Variants in PTPN11 observed in about 807,000 individuals in gnomAD.
PTPN11 encodes the protein tyrosine-protein phosphatase non-receptor type 11.
Under a neutral mutation model 78.8 loss-of-function variants are expected in PTPN11, and 6 were observed. The ratio of observed to expected loss-of-function variants is 0.08; its 90% CI spans 0.04 to 0.15. The LOEUF (loss-of-function observed/expected upper bound fraction) is 0.15. Among genes scored for constraint, PTPN11 ranks in the 10% least tolerant of loss-of-function variants. The pLI, the probability that PTPN11 is intolerant of heterozygous loss-of-function variation, is 1.00. For missense variants in PTPN11, 386 were observed against 744.8 expected (o/e 0.52, Z 5.61); for synonymous variants, 221 against 263.5 (o/e 0.84, Z 1.56).
At chr12:112,490,296 A>G (rs2135917990) in intron 13 of PTPN11, among the ~76,000 whole-genome samples, 1 of 150,408 alleles carries the variant, frequency 6.6e-6, no homozygotes, top group African/African-American at 2.4e-5. Context: ...GAGCATGTTC[A>G]GGGATGTCTT....
intron 1 of PTPN11, among the ~76,000 whole-genome samples, chr12:112,420,450 A>G (rs906675044): frequency 6.6e-6 from 1 of 151,610 alleles, no homozygotes; most frequent in African/African-American, 2.4e-5. Context: ...GGTTCAAGCG[A>G]TTCTCCTGCC....
intron 6 of PTPN11, among the ~76,000 whole-genome samples, chr12:112,471,514 AAAG>A (rs980022616): frequency 7.9e-5 from 12 of 151,862 alleles, no homozygotes; most frequent in South Asian, 4.2e-4. Flanking sequence ...TAAAACAAAA[AAAG>A]AAGAAGAAAA....
chr12:112,480,610 C>T (rs1479519881), intron 9 of PTPN11, among the ~76,000 whole-genome samples: 2 of 152,084 alleles, frequency 1.3e-5, no homozygotes, highest in Non-Finnish European at 2.9e-5. Flanking sequence ...AGTGATCCAC[C>T]CGGCTTCCCA....
At chr12:112,489,776 C>CCAACCCCT (rs1333087413) in intron 13 of PTPN11, among the ~76,000 whole-genome samples, 5 of 152,152 alleles carry the variant, frequency 3.3e-5, no homozygotes, top group African/African-American at 1.2e-4. Flanking sequence ...GCTTCTCTCC[C>CCAACCCCT]CAACCCCTCA....
chr12:112,448,830 C>T (rs950665639), intron 2 of PTPN11, among the ~76,000 whole-genome samples: 2 of 152,092 alleles, frequency 1.3e-5, no homozygotes, highest in African/African-American at 4.8e-5. Flanking sequence ...AACACTACCT[C>T]GTATTGGAAA....
chr12:112,450,241 G>C (rs182335523), intron 2 of PTPN11, 77 bp from the exon 3 acceptor site: 1 of 1,350,854 alleles, frequency 7.4e-7, no homozygotes, highest in Non-Finnish European at 1.1e-6. Context: ...AAAATCCGAC[G>C]TGGAAGATGA....
rs778270727 is a variant in PTPN11 at position 112,502,224 on chromosome 12, C to T, written c.1680C>T (p.Leu560=). The change falls in exon 14 of 16, where the codon CTC becomes CTT. Residue 560 remains leucine, a synonymous_variant. Coordinates refer to ENST00000351677, the MANE Select transcript of PTPN11 (RefSeq NM_002834.5). ...AGACGAGTGGAGATCAGAGCCCTCT[C>T]CCGCCTTGTACTCCAACGCCACCCT... ...ADQTSGDQSP[L]PPCTPTPPCA... 1 of 1,613,778 alleles carries T rather than the reference C, an allele frequency of 6.2e-7. No individual in the cohort carries two copies.
intron 1 of PTPN11, among the ~76,000 whole-genome samples, chr12:112,438,292 GTT>G (rs2135844543): frequency 6.6e-6 from 1 of 152,102 alleles, no homozygotes; most frequent in East Asian, 1.9e-4. Flanking sequence ...TGAGGGTGTG[GTT>G]TTCATGTCAT....
chr12:112,425,162 T>A (rs557807258), intron 1 of PTPN11, among the ~76,000 whole-genome samples: 3 of 152,062 alleles, frequency 2.0e-5, no homozygotes, highest in Admixed American at 6.6e-5. Context: ...CTAACAACTT[T>A]AAAAAAATTT....
rs7974468 is a variant in PTPN11, at chr12:112,489,404, G to A, written c.1599+229G>A. On this transcript the variant is annotated intron_variant, in intron 13 of 15. Transcript: ENST00000351677. ...GGGAAGGGCACCATCCTATCAGCCT[G>A]GCCTGCCAGATTGAAGAACTGCCAT... Among the ~76,000 whole-genome samples the A allele has an allele frequency of 8.7e-3, 1,327 of 152,284 alleles. 6 individuals are homozygous for A. The highest frequency in any genetic ancestry group is 0.011 in the Non-Finnish European group (758 of 68,026).
intron 9 of PTPN11, among the ~76,000 whole-genome samples, chr12:112,480,804 T>G (rs1228562241): frequency 6.6e-6 from 1 of 152,242 alleles, no homozygotes; most frequent in East Asian, 1.9e-4. Flanking sequence ...TCTGTCTTCC[T>G]AAGATACAAG....
At chr12:112,454,070 CTTGAGTATA>C (rs1295498172) in intron 4 of PTPN11, among the ~76,000 whole-genome samples, 5 of 151,924 alleles carry the variant, frequency 3.3e-5, no homozygotes, top group African/African-American at 1.2e-4. Flanking sequence ...ACTTATCATA[CTTGAGTATA>C]TTGAGTATAT....
intron 2 of PTPN11, 111 bp from the exon 3 acceptor site, chr12:112,450,207 T>C: frequency 3.0e-6 from 3 of 1,002,286 alleles, no homozygotes; most frequent in African/African-American, 1.6e-5. Context: ...AATTCGTTCC[T>C]TGGGTTTCTT....
intron 2 of PTPN11, among the ~76,000 whole-genome samples, chr12:112,449,240 C>T (rs113379664): frequency 0.017 from 2,581 of 150,774 alleles, 83 homozygotes; most frequent in African/African-American, 0.059. Flanking sequence ...CAGTGGCTCA[C>T]GCCTGTAATC....
At chr12:112,487,121 C>T (rs1242560353) in intron 11 of PTPN11, among the ~76,000 whole-genome samples, 3 of 139,854 alleles carry the variant, frequency 2.1e-5, no homozygotes, top group South Asian at 2.1e-4. Flanking sequence ...TCTGTTCTCT[C>T]TCTCTCTCTC....
chr12:112,472,879 C>T, intron 6 of PTPN11, 65 bp from the exon 7 acceptor site: 1 of 1,240,806 alleles, frequency 8.1e-7, no homozygotes, highest in Non-Finnish European at 1.2e-6. Context: ...TAATGCTGAT[C>T]CAGGCTTTTT....
Position 112,494,443 on chromosome 12 carries a change from T to C in PTPN11, c.1599+5268T>C, listed in dbSNP as rs2038789589. 2.0e-5 allele frequency among the ~76,000 whole-genome samples: 3 copies of C among 152,040 alleles called. No homozygotes were observed. In the South Asian group the frequency reaches 6.2e-4, roughly 31 times the overall value. On this transcript the variant is annotated intron_variant, in intron 13 of 15. Transcript: ENST00000351677. ...TCTTCCTTATTTATTTATTCATGTC[T>C]ATCAGAATGGGCACCTTACTACTAT...
chr12:112,477,667 T>C lies in PTPN11; in HGVS notation c.870T>C (p.Val290=), dbSNP rs1222520674. ...TTCTTCTAGTTGATCATACCAGGGT[T>C]GTCCTACACGATGGTGATCCCAATG... The part of the protein sequence containing the change: ...KNILPFDHTR[V]VLHDGDPNEP... The change falls in exon 8 of 16, where the codon GTT becomes GTC. Residue 290 remains valine, a synonymous_variant. Transcript: ENST00000351677. The C allele has an allele frequency of 6.2e-7, 1 of 1,612,204 alleles. No individual in the cohort carries two copies. Among genetic ancestry groups the C allele is most frequent in the Non-Finnish European group, 8.5e-7 (1 of 1,178,890 alleles).
chr12:112,483,752 C>A (rs2038632767), intron 10 of PTPN11, among the ~76,000 whole-genome samples: 2 of 151,988 alleles, frequency 1.3e-5, no homozygotes, highest in South Asian at 4.2e-4. Flanking sequence ...AGAAGAGGAC[C>A]CAGTAGAGCT....
Sources: gnomAD v4.1 joint callset for allele counts (sites outside exome capture counted in the v4.1 genomes callset) on GRCh38, gnomAD v4.1.1 for gene constraint, MANE v1.5 for transcripts, NCBI Gene and HGNC (gene_info 2026-07-23, HGNC 2026-07-21) for gene names.